The following AGBL4 variants were observed in gnomAD, a reference collection of about 807,000 sequenced individuals.
AGBL4 encodes the protein cytosolic carboxypeptidase 6.
Under a neutral mutation model 66.4 loss-of-function variants are expected in AGBL4, and 58 were observed. That is an observed-to-expected ratio of 0.87 (90% CI 0.71 to 1.09). The LOEUF is 1.09. AGBL4 is among the 50% of genes least tolerant of loss of function. The probability of loss-of-function intolerance (pLI) is 0.00; values close to 1 mark genes in which losing one functional copy is unlikely to be tolerated. For synonymous variants in AGBL4, 234 were observed against 222.9 expected (o/e 1.05, Z -0.44); for missense variants, 579 against 631.0 (o/e 0.92, Z 0.88).
intron 1 of AGBL4, among the ~76,000 whole-genome samples, chr1:49,958,708 G>A (rs1656855031): frequency 7.8e-6 from 1 of 127,596 alleles, no homozygotes; most frequent in South Asian, 3.0e-4. Context: ...GTTGGGGAGG[G>A]GGGAGGGATA....
intron 5 of AGBL4, among the ~76,000 whole-genome samples, chr1:48,872,738 G>A (rs372259566): frequency 1.3e-5 from 2 of 152,224 alleles, no homozygotes; most frequent in African/African-American, 4.8e-5. Context: ...ACAGACAAAG[G>A]TGAATTCTGA....
At position 49,849,299 on chromosome 1, in the gene AGBL4, A is replaced by C. The variant is rs1646240625; in HGVS notation, c.157+2097T>G. On this transcript the variant is annotated intron_variant, in intron 2 of 13. Transcript: ENST00000371839. ...GAAACTCAGGATGTGGATGTGTGGGAAGGCCCTCCAGGGTCATTGACACTC... is the reference window on the plus strand; with the variant it reads ...GAAACTCAGGATGTGGATGTGTGGGCAGGCCCTCCAGGGTCATTGACACTC... Among the ~76,000 whole-genome samples the C allele has an allele frequency of 1.3e-5, 2 of 152,078 alleles. 1 individual carries two copies.
At chr1:48,777,157 T>G (rs928466270) in intron 6 of AGBL4, among the ~76,000 whole-genome samples, 23 of 151,908 alleles carry the variant, frequency 1.5e-4, no homozygotes, top group African/African-American at 5.6e-4. Context: ...GGGAAAAGGG[T>G]TCAGAGATTC....
chr1:49,555,121 G>A (rs559201653), intron 3 of AGBL4, among the ~76,000 whole-genome samples: 49 of 152,260 alleles, frequency 3.2e-4, no homozygotes, highest in African/African-American at 1.1e-3. Context: ...CTCACATCCC[G>A]CTGATTGGTC....
chr1:49,755,566 C>G (rs979659084), intron 2 of AGBL4, among the ~76,000 whole-genome samples: 4 of 152,118 alleles, frequency 2.6e-5, no homozygotes, highest in Admixed American at 2.6e-4. Context: ...CTTAAATAAT[C>G]ATTATTTCCC....
chr1:49,692,550 C>G (rs1646909456), intron 3 of AGBL4, among the ~76,000 whole-genome samples: 1 of 152,056 alleles, frequency 6.6e-6, no homozygotes, highest in African/African-American at 2.4e-5. Context: ...AACCCCGACT[C>G]TACTAAAAAT....
At chr1:48,936,118 C>A (rs1173250769) in intron 5 of AGBL4, among the ~76,000 whole-genome samples, 3 of 151,676 alleles carry the variant, frequency 2.0e-5, no homozygotes, top group Admixed American at 1.3e-4. Flanking sequence ...GAGACCCTGT[C>A]TCTACAAAAG....
At chr1:49,927,735 G>A (rs369303316) in intron 1 of AGBL4, among the ~76,000 whole-genome samples, 12 of 151,112 alleles carry the variant, frequency 7.9e-5, no homozygotes, top group East Asian at 1.9e-4. Flanking sequence ...AGAAAATAGC[G>A]TCAACAGGAC....
At chr1:49,914,621 G>A (rs1472255580) in intron 1 of AGBL4, among the ~76,000 whole-genome samples, 1 of 152,118 alleles carries the variant, frequency 6.6e-6, no homozygotes, top group African/African-American at 2.4e-5. Flanking sequence ...AGTTCTTTGA[G>A]CCTCTATCTA....
At chr1:49,197,133 G>A (rs1205053759) in intron 4 of AGBL4, among the ~76,000 whole-genome samples, 1 of 152,140 alleles carries the variant, frequency 6.6e-6, no homozygotes. Context: ...CTGGCCCGAT[G>A]TATGTTGGTA....
intron 5 of AGBL4, among the ~76,000 whole-genome samples, chr1:48,905,868 C>G (rs1233309875): frequency 6.6e-6 from 1 of 152,182 alleles, no homozygotes; most frequent in Non-Finnish European, 1.5e-5. Flanking sequence ...TAGTAGTATT[C>G]ATCCATTTAT....
intron 2 of AGBL4, among the ~76,000 whole-genome samples, chr1:49,741,311 T>A (rs1034891423): frequency 6.6e-6 from 1 of 152,098 alleles, no homozygotes; most frequent in Non-Finnish European, 1.5e-5. Flanking sequence ...AAGAAATGGA[T>A]AAATTCCTCA....
chr1:49,051,576 T>C (rs1644211687), intron 4 of AGBL4, among the ~76,000 whole-genome samples: 2 of 152,176 alleles, frequency 1.3e-5, no homozygotes, highest in Non-Finnish European at 2.9e-5. Context: ...ACATGGCCTT[T>C]AGTCTACATT....
At chr1:49,412,602 AC>A (rs1645340176) in intron 3 of AGBL4, among the ~76,000 whole-genome samples, 1 of 152,144 alleles carries the variant, frequency 6.6e-6, no homozygotes, top group Non-Finnish European at 1.5e-5. Flanking sequence ...CACAAAACAA[AC>A]AAAAACAAAC....
chr1:48,544,853 C>G (rs929958140), intron 11 of AGBL4, among the ~76,000 whole-genome samples: 2 of 152,200 alleles, frequency 1.3e-5, no homozygotes, highest in East Asian at 3.9e-4. Context: ...GCTAGAACCA[C>G]TCAGCTGAGG....
intron 5 of AGBL4, among the ~76,000 whole-genome samples, chr1:48,996,817 C>CCCTTCCTTCCTCCCTTCCTTCCTT (rs1661035730): frequency 6.8e-6 from 1 of 147,756 alleles, no homozygotes; most frequent in Admixed American, 6.8e-5. Context: ...CTTCCTTCCT[C>CCCTTCCTTCCTCCCTTCCTTCCTT]CCTTCCTTCC....
In AGBL4 at chr1:49,322,688, G is replaced by A. The variant is rs187840466; in HGVS notation, c.283-76824C>T. 3.3e-5 allele frequency among the ~76,000 whole-genome samples: 5 copies of A among 152,330 alleles called. No homozygotes were observed. The East Asian group carries it at 9.7e-4, about 29-fold the overall frequency. On this transcript the variant is annotated intron_variant, in intron 3 of 13. Coordinates refer to ENST00000371839, the MANE Select transcript of AGBL4 (RefSeq NM_032785.4). ...AATGCTTGGAGCCACCAGAGGCTGG[G>A]AGAGGCAAGGAAGGAATCTCTCTTA...
chr1:49,875,205 T>C (rs1646957832), intron 1 of AGBL4, among the ~76,000 whole-genome samples: 1 of 150,214 alleles, frequency 6.7e-6, no homozygotes, highest in South Asian at 2.1e-4. Flanking sequence ...GTGCACATTG[T>C]GCAGGTTAGT....
intron 1 of AGBL4, among the ~76,000 whole-genome samples, chr1:49,889,827 C>T (rs897325571): frequency 2.6e-5 from 4 of 152,058 alleles, no homozygotes; most frequent in African/African-American, 9.7e-5. Flanking sequence ...ATACACTATT[C>T]TTGTCTCCTC....
Sources: gnomAD v4.1 joint callset for allele counts (sites outside exome capture counted in the v4.1 genomes callset) on GRCh38, gnomAD v4.1.1 for gene constraint, MANE v1.5 for transcripts, NCBI Gene and HGNC (gene_info 2026-07-23, HGNC 2026-07-21) for gene names.